Variants in CLEC2A observed in about 807,000 individuals in gnomAD.
CLEC2A encodes keratinocyte-associated C-type lectin.
A neutral mutation model predicts 18.6 loss-of-function variants in CLEC2A; 19 were observed. That is an observed-to-expected ratio of 1.02 (90% CI 0.71 to 1.50). The LOEUF is 1.50. Ranked by LOEUF, CLEC2A falls within the 40% of genes most tolerant of loss-of-function variation. CLEC2A has a pLI of 0.00. For missense variants in CLEC2A, 190 were observed against 207.9 expected (o/e 0.91, Z 0.53); for synonymous variants, 74 against 64.0 (o/e 1.16, Z -0.75).
the CLEC2A span, among the ~76,000 whole-genome samples, chr12:9,880,162 AAT>A: frequency 7.9e-5 from 12 of 152,238 alleles, no homozygotes; most frequent in South Asian, 2.1e-4. Context: ...AAGTTTGGAC[AAT>A]ATGTCTGGTT....
At chr12:9,891,955 C>T in the CLEC2A span, among the ~76,000 whole-genome samples, 1 of 152,112 alleles carries the variant, frequency 6.6e-6, no homozygotes, top group Non-Finnish European at 1.5e-5. Context: ...AGCCATTCAA[C>T]ATTCAACAAT....
At chr12:9,918,392 A>G (rs1199935739) in intron 3 of CLEC2A, among the ~76,000 whole-genome samples, 2 of 152,162 alleles carry the variant, frequency 1.3e-5, no homozygotes, top group African/African-American at 2.4e-5. Context: ...CAGCTTTGTC[A>G]AAGATCAGAT....
chr12:9,927,422 C>T (rs1863293130), intron 1 of CLEC2A, among the ~76,000 whole-genome samples: 1 of 152,060 alleles, frequency 6.6e-6, no homozygotes, highest in South Asian at 2.1e-4. Flanking sequence ...TTCTATGGTG[C>T]ATGACTATAT....
In CLEC2A at chr12:9,913,497, G is replaced by C. The variant is rs1863019121; in HGVS notation, c.*69C>G. 6.7e-7 allele frequency: 1 copy of C among 1,495,850 alleles called. No homozygotes were observed. The highest frequency in any genetic ancestry group is 8.9e-7 in the Non-Finnish European group (1 of 1,129,194). The allele number at this position is 1,495,850 out of a possible 1,614,324, so 92.7% of individuals were successfully genotyped here. A position where few individuals can be genotyped will look rare whatever the true frequency, so the allele number is the denominator to read the frequency against. On this transcript the variant is annotated 3_prime_UTR_variant, in exon 5 of 5. Coordinates refer to ENST00000455827, the MANE Select transcript of CLEC2A (RefSeq NM_001130711.2). ...ATTCTGTAACAGAATAAGTGAGAAA[G>C]CCACTTTTGCATAATTAGCTCTTCT...
chr12:9,894,091 TTC>T (rs1441893289), downstream of CLEC2A, among the ~76,000 whole-genome samples: 1 of 150,960 alleles, frequency 6.6e-6, no homozygotes, highest in East Asian at 2.0e-4. Flanking sequence ...CTCTTCTTCT[TTC>T]TCTTTCTCTC....
chr12:9,918,926 A>G (rs2137041304), intron 3 of CLEC2A, among the ~76,000 whole-genome samples: 1 of 152,176 alleles, frequency 6.6e-6, no homozygotes, highest in South Asian at 2.1e-4. Context: ...TTTGAAGGTG[A>G]CTTCTTTAAT....
At chr12:9,896,095 T>C (rs1254685540), downstream of CLEC2A, among the ~76,000 whole-genome samples, 4 of 152,244 alleles carry the variant, frequency 2.6e-5, no homozygotes, top group African/African-American at 4.8e-5. Context: ...TTAATAGTTA[T>C]TTAATAGTTT....
intron 1 of CLEC2A, among the ~76,000 whole-genome samples, chr12:9,931,394 A>T (rs1471297155): frequency 6.6e-6 from 1 of 152,236 alleles, no homozygotes; most frequent in Non-Finnish European, 1.5e-5. Flanking sequence ...TACCCTAAAG[A>T]AACTTCTAAA....
chr12:9,910,145 T>C (rs373000722), downstream of CLEC2A, among the ~76,000 whole-genome samples: 1 of 152,218 alleles, frequency 6.6e-6, no homozygotes, highest in African/African-American at 2.4e-5. Context: ...AATTGAGGGT[T>C]TGAGGATTGG....
chr12:9,889,405 G>A, the CLEC2A span, among the ~76,000 whole-genome samples: 1 of 152,138 alleles, frequency 6.6e-6, no homozygotes, highest in Non-Finnish European at 1.5e-5. Context: ...GATTTTGAGT[G>A]AAATGGATTA....
rs550650119 is a variant in CLEC2A at position 9,900,481 on chromosome 12, G to T, written c.411-1505C>A. On this transcript the variant is annotated intron_variant, in intron 4 of 4. Coordinates refer to the CLEC2A transcript ENST00000339766. ...AAAATAGACTTTAGTTTTATGCTTGGCCTGATTGTTTGCATAAAGTGCAGC... is the reference window on the plus strand; with the variant it reads ...AAAATAGACTTTAGTTTTATGCTTGTCCTGATTGTTTGCATAAAGTGCAGC... Among the ~76,000 whole-genome samples, 5 of 152,120 alleles carry T rather than the reference G, an allele frequency of 3.3e-5. No homozygotes were observed. The South Asian group carries it at 6.2e-4, about 19-fold the overall frequency.
chr12:9,884,994 T>C, the CLEC2A span: 1 of 1,329,430 alleles, frequency 7.5e-7, no homozygotes, highest in Non-Finnish European at 9.7e-7. Flanking sequence ...ATTGTGATCC[T>C]TATATTCATT....
At chr12:9,883,738 T>C in the CLEC2A span, among the ~76,000 whole-genome samples, 2 of 152,134 alleles carry the variant, frequency 1.3e-5, no homozygotes, top group African/African-American at 4.8e-5. Flanking sequence ...ATACAGACAA[T>C]TGAGTAGCAA....
the CLEC2A span, among the ~76,000 whole-genome samples, chr12:9,889,789 A>C: frequency 6.6e-6 from 1 of 152,080 alleles, no homozygotes; most frequent in Non-Finnish European, 1.5e-5. Flanking sequence ...GGATAAGAAC[A>C]TAGGCTATAG....
chr12:9,927,504 T>G (rs1863295350), intron 1 of CLEC2A, among the ~76,000 whole-genome samples: 1 of 152,202 alleles, frequency 6.6e-6, no homozygotes, highest in Non-Finnish European at 1.5e-5. Flanking sequence ...TATATATGCT[T>G]TATATGTATG....
rs186397382 is a variant in CLEC2A at position 9,926,712 on chromosome 12, A to G, written c.56-369T>C. On this transcript the variant is annotated intron_variant, in intron 1 of 4. Coordinates refer to ENST00000455827, the MANE Select transcript of CLEC2A (RefSeq NM_001130711.2). ...TAGAGCAAATGTTTATAACAGATAT[A>G]TAAGGCAATAGGATTAAAGACAGGA... Among the ~76,000 whole-genome samples the G allele has an allele frequency of 2.5e-3, 385 of 152,320 alleles. 5 individuals are homozygous for G. Among genetic ancestry groups the G allele is most frequent in the Non-Finnish European group, 4.2e-3 (284 of 68,022 alleles).
intron 1 of CLEC2A, among the ~76,000 whole-genome samples, chr12:9,930,413 T>G (rs549065730): frequency 6.6e-6 from 1 of 152,210 alleles, no homozygotes; most frequent in East Asian, 1.9e-4. Context: ...ATATTTGTGG[T>G]TTTTGTGATT....
chr12:9,894,962 G>A (rs1484679929), downstream of CLEC2A, among the ~76,000 whole-genome samples: 2 of 152,004 alleles, frequency 1.3e-5, no homozygotes, highest in Non-Finnish European at 2.9e-5. Flanking sequence ...ACACATGCAG[G>A]TGGTTATAAC....
intron 4 of CLEC2A, 46 bp from the exon 5 acceptor site, chr12:9,913,726 T>C (rs1418880806): frequency 2.4e-6 from 3 of 1,243,914 alleles, no homozygotes; most frequent in Non-Finnish European, 3.3e-6. Context: ...CTTACGGCTG[T>C]AATCAAAAAG....
Sources: allele counts gnomAD v4.1 joint callset (sites outside exome capture counted in the v4.1 genomes callset), GRCh38; gene constraint gnomAD v4.1.1; transcripts MANE v1.5; gene names NCBI Gene and HGNC (gene_info 2026-07-23, HGNC 2026-07-21).